ZBTB20: variants seen among roughly 807,000 people sequenced by gnomAD.
The protein encoded by ZBTB20 is zinc finger and BTB domain-containing protein 20.
ZBTB20 carries 9 observed loss-of-function variants against 56.9 expected under a neutral mutation model. The observed-to-expected ratio is 0.16, with a 90% CI of 0.10 to 0.28. The LOEUF is 0.28. ZBTB20 is among the 10% of genes least tolerant of loss of function. The probability of loss-of-function intolerance (pLI) is 1.00; values close to 1 mark genes in which losing one functional copy is unlikely to be tolerated. For missense variants in ZBTB20, 655 were observed against 1,003.0 expected (o/e 0.65, Z 4.69); for synonymous variants, 417 against 420.7 (o/e 0.99, Z 0.11).
At chr3:114,616,091 T>C (rs1159619533) in intron 6 of ZBTB20, among the ~76,000 whole-genome samples, 1 of 152,176 alleles carries the variant, frequency 6.6e-6, no homozygotes, top group Non-Finnish European at 1.5e-5. Flanking sequence ...CGAGGTGCAC[T>C]TGATAGCCAT....
intron 1 of ZBTB20, among the ~76,000 whole-genome samples, chr3:115,091,760 A>T (rs1447629327): frequency 1.3e-5 from 2 of 151,540 alleles, no homozygotes; most frequent in Non-Finnish European, 2.9e-5. Context: ...AACCAGCTAG[A>T]CATAATCATT....
intron 7 of ZBTB20, among the ~76,000 whole-genome samples, chr3:114,407,909 T>A (rs924445723): frequency 1.4e-5 from 2 of 138,768 alleles, no homozygotes; most frequent in Non-Finnish European, 3.0e-5. Context: ...GTAACCTATA[T>A]GAGGGGGGGG....
chr3:114,347,701 A>G (rs1255255777), intron 11 of ZBTB20, among the ~76,000 whole-genome samples: 2 of 152,236 alleles, frequency 1.3e-5, no homozygotes. Flanking sequence ...CAGTTAGACA[A>G]TAGTCTTGAA....
intron 7 of ZBTB20, among the ~76,000 whole-genome samples, chr3:114,473,222 C>T (rs569216121): frequency 5.3e-5 from 8 of 152,290 alleles, no homozygotes; most frequent in South Asian, 2.1e-4. Context: ...CCTACCCCTT[C>T]GGCACACACT....
intron 4 of ZBTB20, among the ~76,000 whole-genome samples, chr3:114,885,245 A>G (rs1428463079): frequency 2.0e-5 from 3 of 152,080 alleles, no homozygotes; most frequent in African/African-American, 7.2e-5. Context: ...TGGATGCACA[A>G]CTCTGTGTAA....
chr3:114,901,607 T>G, intron 3 of ZBTB20, among the ~76,000 whole-genome samples: 1 of 151,978 alleles, frequency 6.6e-6, no homozygotes, highest in East Asian at 1.9e-4. Flanking sequence ...TTTATGACAG[T>G]AAAAAACTAT....
At chr3:114,795,349 G>A (rs1274661277) in intron 5 of ZBTB20, among the ~76,000 whole-genome samples, 1 of 151,958 alleles carries the variant, frequency 6.6e-6, no homozygotes, top group African/African-American at 2.4e-5. Context: ...CTTTCCCACT[G>A]CATTCAGAAT....
intron 1 of ZBTB20, among the ~76,000 whole-genome samples, chr3:115,124,785 A>G (rs894181956): frequency 2.0e-5 from 3 of 152,328 alleles, no homozygotes; most frequent in African/African-American, 7.2e-5. Flanking sequence ...GTTTCTCTAT[A>G]GAAAATAATT....
At chr3:115,127,755 A>G (rs370753325) in intron 1 of ZBTB20, among the ~76,000 whole-genome samples, 6 of 152,338 alleles carry the variant, frequency 3.9e-5, no homozygotes, top group Admixed American at 2.6e-4. Flanking sequence ...AACAGGTGTC[A>G]TATTTTGGAA....
intron 10 of ZBTB20, among the ~76,000 whole-genome samples, chr3:114,359,758 C>T (rs1481178248): frequency 6.6e-6 from 1 of 152,090 alleles, no homozygotes; most frequent in Non-Finnish European, 1.5e-5. Flanking sequence ...TTGAATAGAC[C>T]TTAAAGAAGG....
At chr3:114,375,403 C>G (rs2083493486) in intron 10 of ZBTB20, among the ~76,000 whole-genome samples, 1 of 152,206 alleles carries the variant, frequency 6.6e-6, no homozygotes, top group South Asian at 2.1e-4. Flanking sequence ...AAAAATTACT[C>G]TTTAAGTCAG....
At chr3:114,409,914 T>C (rs1450968169) in intron 7 of ZBTB20, among the ~76,000 whole-genome samples, 1 of 152,126 alleles carries the variant, frequency 6.6e-6, no homozygotes, top group Non-Finnish European at 1.5e-5. Flanking sequence ...TTATATAGGG[T>C]GACTATATGT....
intron 6 of ZBTB20, among the ~76,000 whole-genome samples, chr3:114,611,125 A>G (rs1239015983): frequency 1.3e-5 from 2 of 152,110 alleles, no homozygotes; most frequent in African/African-American, 4.8e-5. Context: ...TGAGTCTGGG[A>G]TGGTTTTGAA....
chr3:114,757,007 G>T (rs1013659252), intron 5 of ZBTB20, among the ~76,000 whole-genome samples: 1 of 152,068 alleles, frequency 6.6e-6, no homozygotes, highest in African/African-American at 2.4e-5. Flanking sequence ...CTCAGCATGG[G>T]CAACCAATAG....
intron 4 of ZBTB20, among the ~76,000 whole-genome samples, chr3:114,894,765 A>G (rs1443145794): frequency 6.6e-6 from 1 of 152,108 alleles, no homozygotes; most frequent in Non-Finnish European, 1.5e-5. Flanking sequence ...TGGCTAATAA[A>G]CCTTGATTTC....
At chr3:114,806,102 C>T (rs1034362423) in intron 4 of ZBTB20, among the ~76,000 whole-genome samples, 4 of 151,612 alleles carry the variant, frequency 2.6e-5, no homozygotes, top group Admixed American at 1.3e-4. Flanking sequence ...TTTTTTTCCT[C>T]TTAGATACCT....
At chr3:114,545,296 G>C (rs954452874) in intron 6 of ZBTB20, among the ~76,000 whole-genome samples, 20 of 152,192 alleles carry the variant, frequency 1.3e-4, no homozygotes, top group African/African-American at 4.8e-4. Context: ...TCTTCAGGGT[G>C]ATCTGGAAAT....
intron 6 of ZBTB20, among the ~76,000 whole-genome samples, chr3:114,609,667 C>T (rs755437893): frequency 2.2e-4 from 33 of 152,112 alleles, no homozygotes; most frequent in African/African-American, 3.9e-4. Context: ...TTCCCTTAGA[C>T]GCTTGGAGCA....
chr3:114,797,643 C>T (rs2071418577), intron 5 of ZBTB20, among the ~76,000 whole-genome samples: 1 of 151,844 alleles, frequency 6.6e-6, no homozygotes, highest in Non-Finnish European at 1.5e-5. Context: ...AGGCACAGAA[C>T]ATTAATTCAT....
Sources: gnomAD v4.1 joint callset for allele counts (sites outside exome capture counted in the v4.1 genomes callset) on GRCh38, gnomAD v4.1.1 for gene constraint, MANE v1.5 for transcripts, NCBI Gene and HGNC (gene_info 2026-07-23, HGNC 2026-07-21) for gene names.